ZNF730: variants seen among roughly 807,000 people sequenced by gnomAD.
ZNF730 encodes putative zinc finger protein 730.
Under a neutral mutation model 12.6 loss-of-function variants are expected in ZNF730, and 12 were observed. The observed-to-expected ratio is 0.95, with a 90% CI of 0.61 to 1.54. The LOEUF is 1.54. ZNF730 is among the 40% of genes most tolerant of loss of function. ZNF730 has a pLI of 0.00. For missense variants in ZNF730, 643 were observed against 583.5 expected (o/e 1.10, Z -1.05); for synonymous variants, 194 against 195.8 (o/e 0.99, Z 0.08).
At chr19:23,100,027 T>C (rs1370084511) in intron 1 of ZNF730, 1 of 152,222 alleles carries the variant, frequency 6.6e-6, no homozygotes, top group African/African-American at 2.4e-5. Flanking sequence ...TGTGACTCTC[T>C]TGCTTGTGTT....
chr19:23,119,515 A>G (rs928276262), intron 1 of ZNF730, among the ~76,000 whole-genome samples: 2 of 152,188 alleles, frequency 1.3e-5, no homozygotes, highest in African/African-American at 4.8e-5. Context: ...TATCTCTGCC[A>G]GATTTTGGTA....
At chr19:23,094,356 CTCTATCTATCTATCTA>C (rs78556330) in intron 1 of ZNF730, among the ~76,000 whole-genome samples, 3 of 148,738 alleles carry the variant, frequency 2.0e-5, no homozygotes, top group Non-Finnish European at 3.0e-5. Context: ...CCATGCCTGG[CTCTATCTATCTATCTA>C]TCTATCTATC....
chr19:23,131,763 A>T (rs1970745479), intron 1 of ZNF730, among the ~76,000 whole-genome samples: 1 of 152,210 alleles, frequency 6.6e-6, no homozygotes, highest in Non-Finnish European at 1.5e-5. Context: ...AACCTGCAGA[A>T]TCACATTTCA....
intron 1 of ZNF730, among the ~76,000 whole-genome samples, chr19:23,102,955 C>T (rs756908447): frequency 2.0e-4 from 31 of 152,182 alleles, no homozygotes; most frequent in Non-Finnish European, 4.1e-4. Flanking sequence ...TCTTACTGTA[C>T]AGAGATTGCC....
intron 1 of ZNF730, among the ~76,000 whole-genome samples, chr19:23,101,871 C>T (rs1404724902): frequency 6.6e-6 from 1 of 152,132 alleles, no homozygotes; most frequent in Non-Finnish European, 1.5e-5. Flanking sequence ...CCCGGCCTCG[C>T]TGGGCCTTTC....
At chr19:23,085,826 A>ATTTTTTTTTTTTT (rs1383951518) in intron 1 of ZNF730, among the ~76,000 whole-genome samples, 5 of 72,544 alleles carry the variant, frequency 6.9e-5, no homozygotes, top group African/African-American at 1.8e-4. Context: ...ATTTCACCCA[A>ATTTTTTTTTTTTT]TTTTTTTTTC....
At chr19:23,106,617 C>A (rs900440158) in intron 1 of ZNF730, among the ~76,000 whole-genome samples, 4 of 151,692 alleles carry the variant, frequency 2.6e-5, no homozygotes, top group Non-Finnish European at 5.9e-5. Context: ...CATGGAGAAA[C>A]CCCATCTCTA....
At chr19:23,114,481 A>G (rs867673803), upstream of ZNF730, among the ~76,000 whole-genome samples, 26 of 131,910 alleles carry the variant, frequency 2.0e-4, no homozygotes, top group Middle Eastern at 3.7e-3. Context: ...TAATTTTTTT[A>G]TTTTTATTTA....
rs559998599 is a variant in ZNF730, at chr19:23,145,597, C to A, written c.553C>A (p.Leu185Ile). ...AGAATGTGGAAAATTATTTTGCATT[C>A]TTTCACACTTAGCTCAACATAAAAA... is the stretch of plus-strand genomic sequence containing the variant. ...CKECGKLFCI[L>I]SHLAQHKKIH... Residue 185 changes from leucine (L) to isoleucine (I), a missense_variant, in exon 4 of 4, where the codon CTT becomes ATT. Physicochemically the swap from Leu to Ile is conservative, Grantham distance 5. Transcript: ENST00000597761. The A allele has an allele frequency of 1.3e-6, 2 of 1,544,814 alleles. No individual in the cohort carries two copies. The highest frequency in any genetic ancestry group is 2.4e-5 in the South Asian group (2 of 81,992).
intron 1 of ZNF730, among the ~76,000 whole-genome samples, chr19:23,089,364 C>A (rs1970118318): frequency 6.6e-6 from 1 of 151,970 alleles, no homozygotes; most frequent in African/African-American, 2.4e-5. Context: ...GCCTCCATGC[C>A]CTGCTAATTT....
chr19:23,134,646 G>A (rs1184341676), intron 2 of ZNF730, among the ~76,000 whole-genome samples: 1 of 146,080 alleles, frequency 6.8e-6, no homozygotes, highest in East Asian at 2.1e-4. Context: ...TCCAGGAGGT[G>A]AGGGGCGCTT....
At chr19:23,076,554 C>G (rs1392748661) in intron 1 of ZNF730, among the ~76,000 whole-genome samples, 1 of 152,124 alleles carries the variant, frequency 6.6e-6, no homozygotes, top group Non-Finnish European at 1.5e-5. Flanking sequence ...CTTGGAGTGT[C>G]TAATGAATAT....
At chr19:23,093,628 G>A (rs1056965563) in intron 1 of ZNF730, among the ~76,000 whole-genome samples, 3 of 152,128 alleles carry the variant, frequency 2.0e-5, no homozygotes, top group African/African-American at 7.2e-5. Context: ...ACTGGTGTCT[G>A]GGGATGTGGC....
intron 1 of ZNF730, among the ~76,000 whole-genome samples, chr19:23,129,435 A>G (rs978466433): frequency 1.3e-5 from 2 of 152,130 alleles, no homozygotes; most frequent in Non-Finnish European, 2.9e-5. Flanking sequence ...AATGCGGGAC[A>G]TGGAGTCAAA....
At chr19:23,088,227 C>A (rs1436391928) in intron 1 of ZNF730, among the ~76,000 whole-genome samples, 2 of 151,406 alleles carry the variant, frequency 1.3e-5, no homozygotes, top group Non-Finnish European at 2.9e-5. Context: ...ACCATGTTGG[C>A]CAGGCTGGTC....
chr19:23,141,602 T>G (rs1970921126), intron 3 of ZNF730, among the ~76,000 whole-genome samples: 1 of 152,164 alleles, frequency 6.6e-6, no homozygotes. Flanking sequence ...ATTTCAACCT[T>G]TCTACAAGAG....
intron 1 of ZNF730, among the ~76,000 whole-genome samples, chr19:23,121,602 A>G (rs1970599942): frequency 6.6e-6 from 1 of 152,136 alleles, no homozygotes; most frequent in Non-Finnish European, 1.5e-5. Context: ...AGCCTCCCAA[A>G]GTGCTGAGAT....
upstream of ZNF730, among the ~76,000 whole-genome samples, chr19:23,114,305 C>CTTTTTTTTTTTTTTTT (rs869304180): frequency 3.0e-4 from 31 of 103,508 alleles, no homozygotes; most frequent in East Asian, 5.7e-4. Flanking sequence ...TTTTTCTTTT[C>CTTTTTTTTTTTTTTTT]TTTTTTTTTT....
rs1255522505 is a variant in ZNF730, at chr19:23,146,283, A to G, written c.1239A>G (p.Thr413=). ...KAFSRISHLT[T]HKRIHTGEKP... ...TTAGCCGTATCTCACACCTTACTACACATAAGAGAATTCATACTGGAGAGA... is the reference window on the plus strand; with the variant it reads ...TTAGCCGTATCTCACACCTTACTACGCATAAGAGAATTCATACTGGAGAGA... The change falls in exon 4 of 4, where the codon ACA becomes ACG. Residue 413 remains threonine (T), a synonymous_variant. Coordinates refer to ENST00000597761, the MANE Select transcript of ZNF730 (RefSeq NM_001277403.2). 1.2e-6 allele frequency: 2 copies of G among 1,613,844 alleles called. No individual in the cohort carries two copies. The highest frequency in any genetic ancestry group is 8.5e-7 in the Non-Finnish European group (1 of 1,179,826).
Sources: allele counts gnomAD v4.1 joint callset (sites outside exome capture counted in the v4.1 genomes callset), GRCh38; gene constraint gnomAD v4.1.1; transcripts MANE v1.5; gene names NCBI Gene and HGNC (gene_info 2026-07-23, HGNC 2026-07-21).